The following ENTREP2 variants were observed in gnomAD, a reference collection of about 807,000 sequenced individuals.
ENTREP2 encodes the protein endosomal transmembrane epsin interactor 2, also known as protein ENTREP2.
the ENTREP2 span, among the ~76,000 whole-genome samples, chr15:29,551,974 G>A: frequency 6.6e-6 from 1 of 152,178 alleles, no homozygotes; most frequent in African/African-American, 2.4e-5. Flanking sequence ...AAAATGCTGT[G>A]ACTCCCTGCT....
At chr15:29,358,606 T>C in the ENTREP2 span, among the ~76,000 whole-genome samples, 1 of 152,166 alleles carries the variant, frequency 6.6e-6, no homozygotes, top group South Asian at 2.1e-4. Flanking sequence ...AATAATATTT[T>C]ATTAATAAAT....
At chr15:29,370,217 A>T in the ENTREP2 span, among the ~76,000 whole-genome samples, 1 of 152,222 alleles carries the variant, frequency 6.6e-6, no homozygotes, top group South Asian at 2.1e-4. Flanking sequence ...TTTTAAAAAC[A>T]TGATCCAATT....
the ENTREP2 span, among the ~76,000 whole-genome samples, chr15:29,156,964 G>A: frequency 6.6e-6 from 1 of 152,148 alleles, no homozygotes; most frequent in Admixed American, 6.5e-5. Context: ...GGGAGAGGTG[G>A]CACATGCCTG....
At chr15:29,477,991 A>T in the ENTREP2 span, among the ~76,000 whole-genome samples, 1 of 125,752 alleles carries the variant, frequency 8.0e-6, no homozygotes, top group Non-Finnish European at 1.6e-5. Context: ...AATTAAATTT[A>T]ACTATATATA....
the ENTREP2 span, among the ~76,000 whole-genome samples, chr15:29,174,692 C>CAAAA: frequency 4.4e-4 from 47 of 107,428 alleles, 1 homozygote; most frequent in Middle Eastern, 4.2e-3. Flanking sequence ...TCCAACTAAA[C>CAAAA]AAAACAAAAC....
At chr15:29,202,800 G>A in the ENTREP2 span, among the ~76,000 whole-genome samples, 20 of 152,110 alleles carry the variant, frequency 1.3e-4, no homozygotes, top group African/African-American at 4.6e-4. Flanking sequence ...CTACATCCCT[G>A]CAAAAGGCAT....
At chr15:29,316,109 T>C in the ENTREP2 span, among the ~76,000 whole-genome samples, 1 of 152,238 alleles carries the variant, frequency 6.6e-6, no homozygotes. Context: ...AAATGTCTTA[T>C]ATAATTATGA....
At chr15:29,163,487 A>C in the ENTREP2 span, among the ~76,000 whole-genome samples, 79,884 of 151,416 alleles carry the variant, frequency 0.53, 21,334 homozygotes, top group East Asian at 0.68. Flanking sequence ...TAAAAAATCC[A>C]GGAAAAATTG....
the ENTREP2 span, among the ~76,000 whole-genome samples, chr15:29,405,400 A>C: frequency 6.6e-6 from 1 of 151,816 alleles, no homozygotes; most frequent in Admixed American, 6.6e-5. Context: ...AGAAAAAAAA[A>C]AAAAAAATCT....
At chr15:29,136,432 G>T in the ENTREP2 span, 1 of 1,546,734 alleles carries the variant, frequency 6.5e-7, no homozygotes, top group Non-Finnish European at 8.7e-7. Context: ...GATAGAGCAG[G>T]CCGGGGCTAT....
the ENTREP2 span, among the ~76,000 whole-genome samples, chr15:29,674,674 G>A: frequency 1.3e-5 from 2 of 150,860 alleles, no homozygotes; most frequent in East Asian, 4.0e-4. Flanking sequence ...AAAAGAACGG[G>A]CACTTTTCCC....
At chr15:29,471,853 C>T in the ENTREP2 span, among the ~76,000 whole-genome samples, 1 of 152,200 alleles carries the variant, frequency 6.6e-6, no homozygotes, top group Non-Finnish European at 1.5e-5. Flanking sequence ...AGCCCACATG[C>T]ACACGTGGAG....
chr15:29,386,774 A>G, the ENTREP2 span, among the ~76,000 whole-genome samples: 1 of 152,168 alleles, frequency 6.6e-6, no homozygotes, highest in African/African-American at 2.4e-5. Flanking sequence ...GCACACACAC[A>G]ATGAGGCAGA....
chr15:29,554,406 G>T, the ENTREP2 span, among the ~76,000 whole-genome samples: 1 of 149,376 alleles, frequency 6.7e-6, no homozygotes, highest in African/African-American at 2.5e-5. Context: ...GAGGAAAGGA[G>T]GGAAGGAAGG....
At chr15:29,442,351 G>T in the ENTREP2 span, among the ~76,000 whole-genome samples, 1 of 152,206 alleles carries the variant, frequency 6.6e-6, no homozygotes, top group Non-Finnish European at 1.5e-5. Context: ...GGAAGACCGT[G>T]TGCAACTATC....
the ENTREP2 span, among the ~76,000 whole-genome samples, chr15:29,326,406 T>C: frequency 2.0e-5 from 3 of 152,098 alleles, no homozygotes; most frequent in Admixed American, 2.0e-4. Context: ...CAAAAGTCAA[T>C]TGCTTTCCCA....
At chr15:29,164,070 A>T in the ENTREP2 span, among the ~76,000 whole-genome samples, 2 of 152,314 alleles carry the variant, frequency 1.3e-5, no homozygotes, top group Non-Finnish European at 1.5e-5. Context: ...AAAACTAAGC[A>T]TCATATATGA....
At chr15:29,126,144 C>T in the ENTREP2 span, 1 of 808,500 alleles carries the variant, frequency 1.2e-6, no homozygotes, top group Non-Finnish European at 1.9e-6. Context: ...AGACCACATT[C>T]CCAGTGTGGC....
the ENTREP2 span, among the ~76,000 whole-genome samples, chr15:29,384,538 G>A: frequency 1.3e-5 from 2 of 152,086 alleles, no homozygotes; most frequent in African/African-American, 2.4e-5. Context: ...AGACCACAAA[G>A]CTAGGTCCCT....
Sources: gnomAD v4.1 joint callset for allele counts (sites outside exome capture counted in the v4.1 genomes callset) on GRCh38, gnomAD v4.1.1 for gene constraint, MANE v1.5 for transcripts, NCBI Gene and HGNC (gene_info 2026-07-23, HGNC 2026-07-21) for gene names.